The following RTN4IP1 variants were observed in gnomAD, a reference collection of about 807,000 sequenced individuals.
The protein encoded by RTN4IP1 is reticulon 4 interacting protein 1.
In RTN4IP1, 32 loss-of-function variants were observed where a neutral mutation model predicts 46.6. The ratio of observed to expected loss-of-function variants is 0.69; its 90% CI spans 0.52 to 0.92. The LOEUF is 0.92. RTN4IP1 is among the 40% of genes least tolerant of loss of function. The probability of loss-of-function intolerance (pLI) is 0.00; values close to 1 mark genes in which losing one functional copy is unlikely to be tolerated. For missense variants in RTN4IP1, 424 were observed against 485.8 expected, an observed-to-expected ratio of 0.87 and a Z score of 1.20; for synonymous variants, 167 against 161.8, an observed-to-expected ratio of 1.03 and a Z score of -0.24.
intron 8 of RTN4IP1, among the ~76,000 whole-genome samples, chr6:106,581,425 C>A (rs763053438): frequency 8.5e-5 from 13 of 152,232 alleles, no homozygotes; most frequent in Admixed American, 2.6e-4. Flanking sequence ...GTAAGATCTG[C>A]TGTGTCATTC....
At chr6:106,604,548 G>A (rs554787849) in intron 4 of RTN4IP1, among the ~76,000 whole-genome samples, 1 of 152,092 alleles carries the variant, frequency 6.6e-6, no homozygotes, top group Non-Finnish European at 1.5e-5. Context: ...AGTGCAAAGG[G>A]ACGATTTCTC....
At chr6:106,617,884 G>C (rs1327614474) in intron 4 of RTN4IP1, among the ~76,000 whole-genome samples, 1 of 152,190 alleles carries the variant, frequency 6.6e-6, no homozygotes, top group African/African-American at 2.4e-5. Context: ...TGCTGTTGCA[G>C]AGTCTACAAT....
intron 6 of RTN4IP1, among the ~76,000 whole-genome samples, chr6:106,589,985 G>A (rs1392893880): frequency 1.3e-5 from 2 of 152,180 alleles, no homozygotes; most frequent in East Asian, 1.9e-4. Flanking sequence ...CGTCTGTCAA[G>A]TTCTCCTACT....
chr6:106,591,055 A>C (rs905949661), intron 6 of RTN4IP1, among the ~76,000 whole-genome samples: 2 of 152,180 alleles, frequency 1.3e-5, no homozygotes, highest in African/African-American at 4.8e-5. Flanking sequence ...GCAACACACA[A>C]ACACACAAAT....
Position 106,587,676 on chromosome 6 carries a change from T to A in RTN4IP1, c.990+3A>T. 6.2e-7 allele frequency: 1 copy of A among 1,604,766 alleles called. No homozygotes were observed. The highest frequency in any genetic ancestry group is 8.5e-7 in the Non-Finnish European group (1 of 1,174,390). The stretch of plus-strand genomic sequence containing the variant: ...AGTCACCAACCAAGACCCTTCTTCC[T>A]ACCTTTAATGCCTTTGAACCTACAG... On this transcript the variant is annotated splice_donor_region_variant and intron_variant, in intron 7 of 8. Coordinates refer to ENST00000369063, the MANE Select transcript of RTN4IP1 (RefSeq NM_032730.5).
At chr6:106,590,334 AAAAC>A (rs1055352731) in intron 6 of RTN4IP1, among the ~76,000 whole-genome samples, 4 of 151,590 alleles carry the variant, frequency 2.6e-5, no homozygotes, top group Non-Finnish European at 5.9e-5. Context: ...CAAATACAAA[AAAAC>A]AAAACAAAAC....
rs1776749416 is a variant in RTN4IP1, at chr6:106,629,332, G to A, written c.-311C>T. 3.7e-6 allele frequency: 2 copies of A among 534,162 alleles called. No individual in the cohort carries two copies. The highest frequency in any genetic ancestry group is 3.4e-5 in the Admixed American group (1 of 29,270). The allele number at this position is 534,162 out of a possible 1,614,324, so 33.1% of individuals were successfully genotyped here. On this transcript the variant is annotated 5_prime_UTR_variant, in exon 1 of 9. Transcript: ENST00000369063. ...GGGGGCGGGGCATTAAAAAGCAGGT[G>A]CGCAAACCCCCTAGATCCCTGCCCT...
chr6:106,601,616 T>C (rs904651857), intron 5 of RTN4IP1, among the ~76,000 whole-genome samples: 1 of 152,202 alleles, frequency 6.6e-6, no homozygotes, highest in Non-Finnish European at 1.5e-5. Context: ...TTTTTGTTTT[T>C]GTTTTTGTTT....
chr6:106,619,099 G>A lies in RTN4IP1; in HGVS notation c.620+103C>T, dbSNP rs149152490. 3.2e-4 allele frequency: 409 copies of A among 1,287,706 alleles called. 1 individual carries two copies. The highest frequency in any genetic ancestry group is 2.1e-3 in the African/African-American group (142 of 67,730). 79.8% of individuals were successfully genotyped at this position (1,287,706 alleles called of 1,614,324 possible). A position where few individuals can be genotyped will look rare whatever the true frequency, so the allele number is the denominator to read the frequency against. ...TTCAAATGTTAGTACAGCTCTGTTC[G>A]TGTAAATGATACTAAATTTCAAAGC... On this transcript the variant is annotated intron_variant, in intron 4 of 8. Coordinates refer to ENST00000369063, the MANE Select transcript of RTN4IP1 (RefSeq NM_032730.5).
At chr6:106,612,211 A>AC (rs200743296) in intron 4 of RTN4IP1, among the ~76,000 whole-genome samples, 2,887 of 151,562 alleles carry the variant, frequency 0.019, 74 homozygotes, top group African/African-American at 0.068. Context: ...ACATGGTGAA[A>AC]CCCCATCTCT....
At chr6:106,617,805 T>C (rs938535634) in intron 4 of RTN4IP1, among the ~76,000 whole-genome samples, 2 of 152,078 alleles carry the variant, frequency 1.3e-5, no homozygotes, top group Non-Finnish European at 2.9e-5. Context: ...CTAACAATAG[T>C]GCACATATAG....
upstream of RTN4IP1, chr6:106,629,730 C>T (rs749967147): frequency 6.3e-6 from 10 of 1,596,744 alleles, no homozygotes; most frequent in African/African-American, 1.3e-4. Context: ...CCCGCTGAGG[C>T]CCCCGGGAGG....
Position 106,587,577 on chromosome 6 carries a change from G to A in RTN4IP1, c.990+102C>T, listed in dbSNP as rs181014061. On this transcript the variant is annotated intron_variant, in intron 7 of 8. Coordinates refer to ENST00000369063, the MANE Select transcript of RTN4IP1 (RefSeq NM_032730.5). Reference sequence around the variant, plus strand: ...TGCAGAGTCCATGCTTGCAACCACCGTGCTATGCGGCCTCCAAGAGAAGAG... The same window carrying A: ...TGCAGAGTCCATGCTTGCAACCACCATGCTATGCGGCCTCCAAGAGAAGAG... The A allele has an allele frequency of 6.0e-5, 63 of 1,056,742 alleles. No individual in the cohort carries two copies. The African/African-American group carries it at 6.3e-4, about 11-fold the overall frequency. The allele number at this position is 1,056,742 out of a possible 1,614,324, so 65.5% of individuals were successfully genotyped here.
intron 8 of RTN4IP1, among the ~76,000 whole-genome samples, chr6:106,580,031 G>A (rs968979938): frequency 2.6e-5 from 4 of 151,684 alleles, no homozygotes; most frequent in African/African-American, 7.3e-5. Context: ...TGGCTAACAC[G>A]GTGAAACCCC....
At position 106,580,429 on chromosome 6, in the gene RTN4IP1, C is replaced by G. The variant is rs202062682; in HGVS notation, c.1083+2899G>C. On this transcript the variant is annotated intron_variant, in intron 8 of 8. Coordinates refer to ENST00000369063, the MANE Select transcript of RTN4IP1 (RefSeq NM_032730.5). ...TTTCAAAAGCTGTCTATTTTAATAT[C>G]TATTAAAGGCTAAGTGCAGTGGCTC... Among the ~76,000 whole-genome samples the G allele has an allele frequency of 1.3e-4, 19 of 151,956 alleles. No individual in the cohort carries two copies. In the East Asian group the frequency reaches 3.7e-3, roughly 30 times the overall value.
In RTN4IP1 at chr6:106,571,665, T is replaced by G. The variant is rs1775062997; in HGVS notation, c.*331A>C. Reference sequence around the variant, plus strand: ...GTGATTGTGCCACTGCACTCCAGCCTGGGTGACACAGCGAGACCCTGTCTC... The same window carrying G: ...GTGATTGTGCCACTGCACTCCAGCCGGGGTGACACAGCGAGACCCTGTCTC... On this transcript the variant is annotated 3_prime_UTR_variant, in exon 9 of 9. Transcript: ENST00000369063. The G allele has an allele frequency of 8.1e-6, 2 of 246,516 alleles. No homozygotes were observed. The highest frequency in any genetic ancestry group is 1.6e-5 in the Non-Finnish European group (2 of 124,770). The allele number at this position is 246,516 out of a possible 1,614,324, so 15.3% of individuals were successfully genotyped here. A position where few individuals can be genotyped will look rare whatever the true frequency, so the allele number is the denominator to read the frequency against.
intron 4 of RTN4IP1, among the ~76,000 whole-genome samples, chr6:106,612,655 T>TACCTCCTCCACCCTAACTCATTCTCATC (rs57330586): frequency 6.6e-6 from 1 of 151,728 alleles, no homozygotes; most frequent in Non-Finnish European, 1.5e-5. Flanking sequence ...CTTTTACAAT[T>TACCTCCTCCACCCTAACTCATTCTCATC]ACCTGCTCCA....
At chr6:106,601,533 C>T (rs1387836828) in intron 5 of RTN4IP1, among the ~76,000 whole-genome samples, 1 of 151,798 alleles carries the variant, frequency 6.6e-6, no homozygotes, top group East Asian at 1.9e-4. Flanking sequence ...TCTTTTTTTC[C>T]CTTTCCCTGC....
intron 1 of RTN4IP1, 106 bp from the exon 2 acceptor site, chr6:106,623,075 T>C: frequency 9.5e-7 from 1 of 1,056,718 alleles, no homozygotes; most frequent in Admixed American, 2.2e-5. Flanking sequence ...AAGATGTAGA[T>C]TATAAATCAT....
Sources: gnomAD v4.1 joint callset for allele counts (sites outside exome capture counted in the v4.1 genomes callset) on GRCh38, gnomAD v4.1.1 for gene constraint, MANE v1.5 for transcripts, NCBI Gene and HGNC (gene_info 2026-07-23, HGNC 2026-07-21) for gene names.